MYO10: variants seen among roughly 807,000 people sequenced by gnomAD.
MYO10 encodes myosin X.
In MYO10, 133 loss-of-function variants were observed where a neutral mutation model predicts 257.3. The observed-to-expected ratio is 0.52, with a 90% CI of 0.45 to 0.60. The LOEUF is 0.60. Among genes scored for constraint, MYO10 ranks in the 20% least tolerant of loss-of-function variants. MYO10 has a pLI of 0.00. For missense variants in MYO10, 2,399 were observed against 2,635.7 expected (o/e 0.91, Z 1.97); for synonymous variants, 1,104 against 1,028.6 (o/e 1.07, Z -1.40).
chr5:16,746,586 G>A (rs184187210), intron 19 of MYO10, among the ~76,000 whole-genome samples: 1 of 152,310 alleles, frequency 6.6e-6, no homozygotes, highest in African/African-American at 2.4e-5. Flanking sequence ...AAGTCCAGCT[G>A]TCTTTTAAGC....
chr5:16,689,749 T>A lies in MYO10; in HGVS notation c.3896+75A>T, dbSNP rs752360571. On this transcript the variant is annotated intron_variant, in intron 28 of 40. Transcript: ENST00000513610. ...TTTTCAAGGCCAGTACAGTAAACAG[T>A]GCTCTGTGTGATGCTCACACCTGTG... The A allele has an allele frequency of 3.2e-6, 4 of 1,242,128 alleles. No individual in the cohort carries two copies. In the Middle Eastern group the frequency reaches 6.6e-4, roughly 204 times the overall value. 76.9% of individuals were successfully genotyped at this position (1,242,128 alleles called of 1,614,324 possible).
chr5:16,850,892 C>T (rs917044849), intron 2 of MYO10, among the ~76,000 whole-genome samples: 2 of 152,150 alleles, frequency 1.3e-5, no homozygotes, highest in African/African-American at 4.8e-5. Flanking sequence ...ATCTCTGCCT[C>T]CCGGGTTCAA....
chr5:16,690,008 G>A, intron 27 of MYO10, 89 bp from the exon 28 acceptor site: 2 of 942,624 alleles, frequency 2.1e-6, no homozygotes, highest in Admixed American at 3.7e-5. Flanking sequence ...AATGACTAGA[G>A]TTGGGAACTG....
intron 11 of MYO10, 112 bp from the exon 12 acceptor site, chr5:16,764,508 T>A: frequency 8.5e-7 from 1 of 1,183,224 alleles, no homozygotes; most frequent in Non-Finnish European, 1.2e-6. Flanking sequence ...CATCTGGCCC[T>A]CCAGTGTGAA....
In MYO10 at chr5:16,757,304, ACACACACACACG is replaced by A. The variant is rs1327718349; in HGVS notation, c.1848+802_1848+813del. Among the ~76,000 whole-genome samples the A allele has an allele frequency of 2.4e-3, 184 of 75,796 alleles. 1 individual carries two copies. The highest frequency in any genetic ancestry group is 5.4e-3 in the African/African-American group (104 of 19,180). The allele number at this position is 75,796 out of a possible 152,430, so 49.7% of individuals were successfully genotyped here. A position where few individuals can be genotyped will look rare whatever the true frequency, so the allele number is the denominator to read the frequency against. Reference sequence around the variant, plus strand: ...GACCCTGTCTCACACACACACAAACACACACACACACGCACACACACACACACACACACACAC... The same window carrying A: ...GACCCTGTCTCACACACACACAAACACACACACACACACACACACACACAC... On this transcript the variant is annotated intron_variant, in intron 18 of 40. Coordinates refer to ENST00000513610, the MANE Select transcript of MYO10 (RefSeq NM_012334.3).
Position 16,674,924 on chromosome 5 carries a change from G to A in MYO10, c.4893C>T (p.Ile1631=). 6.2e-7 allele frequency: 1 copy of A among 1,614,006 alleles called. No individual in the cohort carries two copies. The highest frequency in any genetic ancestry group is 1.1e-5 in the South Asian group (1 of 91,082). The part of the protein sequence containing the change: ...GSVGNLYSWQ[I]LTCLSCTFLP... ...GGAAGGTGCAGCTCAGGCATGTCAGGATCTGCCAGCTGTACAGGTTGCCCA... is the reference window on the plus strand; with the variant it reads ...GGAAGGTGCAGCTCAGGCATGTCAGAATCTGCCAGCTGTACAGGTTGCCCA... Residue 1631 remains isoleucine (I), a synonymous_variant, in exon 35 of 41, where the codon ATC becomes ATT. Transcript: ENST00000513610.
intron 19 of MYO10, among the ~76,000 whole-genome samples, chr5:16,744,296 C>A (rs1740109540): frequency 6.6e-6 from 1 of 152,180 alleles, no homozygotes; most frequent in Admixed American, 6.5e-5. Context: ...CCCATGACCT[C>A]ACTTAATACA....
At chr5:16,792,748 A>C (rs1741809458) in intron 4 of MYO10, among the ~76,000 whole-genome samples, 1 of 152,146 alleles carries the variant, frequency 6.6e-6, no homozygotes, top group Non-Finnish European at 1.5e-5. Flanking sequence ...TCGGGGCTGC[A>C]GTGCTCACAG....
chr5:16,683,784 C>T (rs1055255752), intron 30 of MYO10, 96 bp downstream of exon 30: 15 of 1,251,034 alleles, frequency 1.2e-5, no homozygotes, highest in Non-Finnish European at 1.7e-5. Context: ...CGTGATTTCA[C>T]AGCCCTGTGA....
At chr5:16,887,914 AAGAAATGAGACATCTCCAAATTGCTG>A (rs1744937999) in intron 1 of MYO10, among the ~76,000 whole-genome samples, 2 of 152,208 alleles carry the variant, frequency 1.3e-5, no homozygotes, top group Admixed American at 6.5e-5. Context: ...TTAACACTAA[AAGAAATGAGACATCTCCAAATTGCTG>A]AGAGTACCTC....
At position 16,670,767 on chromosome 5, in the gene MYO10, C is replaced by T. The variant is rs553088098; in HGVS notation, c.5642G>A (p.Arg1881Gln). The part of the protein sequence containing the change: ...FTPCERLEKR[R>Q]TSFLEGTLRR... ...CAGGGTCCCCTCTAGGAAGCTCGTC[C>T]GCCTCTTCTCCAGCCGTTCACAAGG... The change falls in exon 39 of 41, where the codon CGG becomes CAG. Residue 1881 changes from arginine (R) to glutamine (Q), a missense_variant. Around this residue, in one of 3 missense-constraint regions of MYO10, gnomAD observed 1,820 missense variants for 1,939.4 expected, o/e 0.94. Coordinates refer to ENST00000513610, the MANE Select transcript of MYO10 (RefSeq NM_012334.3). 3.2e-4 allele frequency: 520 copies of T among 1,613,986 alleles called. 4 individuals are homozygous for T. The South Asian group carries it at 4.1e-3, about 13-fold the overall frequency.
intron 4 of MYO10, among the ~76,000 whole-genome samples, chr5:16,792,132 C>CACACACACACACACACAGAGAG (rs755315207): frequency 4.0e-5 from 3 of 75,290 alleles, no homozygotes; most frequent in Non-Finnish European, 1.1e-4. Context: ...CACACACACA[C>CACACACACACACACACAGAGAG]AGAGAGAGAG....
intron 2 of MYO10, among the ~76,000 whole-genome samples, chr5:16,839,750 A>T (rs114104133): frequency 0.024 from 3,641 of 152,200 alleles, 138 homozygotes; most frequent in African/African-American, 0.083. Context: ...CAAAAAAAAT[A>T]AATTAATTAA....
intron 2 of MYO10, among the ~76,000 whole-genome samples, chr5:16,870,357 A>AT (rs1395337664): frequency 2.0e-5 from 3 of 151,260 alleles, no homozygotes. Context: ...ACCCTAAGGC[A>AT]TTTTTCAGGA....
intron 28 of MYO10, among the ~76,000 whole-genome samples, chr5:16,687,722 A>G (rs1407810861): frequency 1.3e-5 from 2 of 152,118 alleles, no homozygotes; most frequent in African/African-American, 4.8e-5. Context: ...AGAGATATGC[A>G]TATCTCTTGT....
At chr5:16,716,997 C>T (rs1179880512) in intron 19 of MYO10, among the ~76,000 whole-genome samples, 1 of 152,100 alleles carries the variant, frequency 6.6e-6, no homozygotes, top group African/African-American at 2.4e-5. Flanking sequence ...GTCACCACAC[C>T]TGGCTAATTT....
At chr5:16,802,886 T>C (rs930019957) in intron 3 of MYO10, among the ~76,000 whole-genome samples, 1 of 151,856 alleles carries the variant, frequency 6.6e-6, no homozygotes, top group African/African-American at 2.4e-5. Flanking sequence ...GGAGGATCAC[T>C]TGAGCCCAGG....
In MYO10 at chr5:16,676,179, T is replaced by C. The variant is rs771948172; in HGVS notation, c.4543-25A>G. The C allele has an allele frequency of 1.2e-5, 19 of 1,609,606 alleles. No homozygotes were observed. In the South Asian group the frequency reaches 1.3e-4, roughly 11 times the overall value. On this transcript the variant is annotated intron_variant, in intron 33 of 40. Transcript: ENST00000513610. Reference sequence around the variant, plus strand: ...CCTAAAAATAAAGCAAGCAAGCTTATTGTAAGAAACCTGTATTTTCCTACA... The same window carrying C: ...CCTAAAAATAAAGCAAGCAAGCTTACTGTAAGAAACCTGTATTTTCCTACA...
Position 16,685,819 on chromosome 5 carries a change from G to T in MYO10, c.3909C>A (p.Ser1303Arg). 1 of 1,595,874 alleles carries T rather than the reference G, an allele frequency of 6.3e-7. No individual in the cohort carries two copies. Among genetic ancestry groups the T allele is most frequent in the Middle Eastern group, 1.7e-4 (1 of 6,044 alleles). Reference protein sequence around the residue: ...ESPEDASQWFSVLSQVHASTD... With the variant: ...ESPEDASQWFRVLSQVHASTD... ...TGGACGCGTGGACCTGACTCAGCAC[G>T]CTGAACCACTGGCTGTGGGGAAGAG... The change falls in exon 29 of 41, where the codon AGC becomes AGA. Residue 1303 changes from serine to arginine, a missense_variant. Transcript: ENST00000513610.
Sources: gnomAD v4.1 joint callset for allele counts (sites outside exome capture counted in the v4.1 genomes callset) on GRCh38, gnomAD v4.1.1 for gene constraint, gnomAD v4.1.1 regional missense constraint, MANE v1.5 for transcripts, NCBI Gene and HGNC (gene_info 2026-07-23, HGNC 2026-07-21) for gene names.